Variants in GPALPP1 observed in about 807,000 individuals in gnomAD.
GPALPP1 encodes the protein GPALPP motifs containing 1, also known as GPALPP motifs-containing protein 1.
Under a neutral mutation model 38.9 loss-of-function variants are expected in GPALPP1, and 30 were observed. That is an observed-to-expected ratio of 0.77 (90% CI 0.58 to 1.05). GPALPP1 has a LOEUF of 1.05. Among genes scored for constraint, GPALPP1 ranks in the 50% least tolerant of loss-of-function variants. The pLI is 0.00. For missense variants in GPALPP1, 384 were observed against 408.8 expected (o/e 0.94, Z 0.52); for synonymous variants, 120 against 139.2 (o/e 0.86, Z 0.97).
rs764638289 is a variant in GPALPP1 at position 45,006,226 on chromosome 13, T to C, written c.246T>C (p.Asp82=). Residue 82 remains aspartate (D), a synonymous_variant, in exon 3 of 8, where the codon GAT becomes GAC. Coordinates refer to ENST00000379151, the MANE Select transcript of GPALPP1 (RefSeq NM_018559.5). ...TARKQRKNQD[D]DDDDDDGFFG... ...GAAAACAGAGGAAAAATCAGGATGATGACGATGATGATGATGATGGGTTTT... is the reference window on the plus strand; with the variant it reads ...GAAAACAGAGGAAAAATCAGGATGACGACGATGATGATGATGATGGGTTTT... 9 of 1,608,548 alleles carry C rather than the reference T, an allele frequency of 5.6e-6. No homozygotes were observed. The highest frequency in any genetic ancestry group is 7.6e-6 in the Non-Finnish European group (9 of 1,176,786).
At chr13:45,027,347 A>AAAGGAACAAAAATTAT (rs1296045430) in intron 7 of GPALPP1, among the ~76,000 whole-genome samples, 1 of 152,240 alleles carries the variant, frequency 6.6e-6, no homozygotes. Context: ...CAGAAAACTG[A>AAAGGAACAAAAATTAT]AAGGAACAAA....
chr13:45,024,642 A>G (rs975165477), intron 7 of GPALPP1, among the ~76,000 whole-genome samples: 4 of 150,846 alleles, frequency 2.7e-5, no homozygotes, highest in South Asian at 2.1e-4. Flanking sequence ...AATTTTTATC[A>G]TAAGGGCCAG....
chr13:45,006,192 A>G lies in GPALPP1; in HGVS notation c.222-10A>G, dbSNP rs112286754. Reference sequence around the variant, plus strand: ...CATATATGCATAAAGTTATACTACTATGTTTTCAGAAAACAGAGGAAAAAT... The same window carrying G: ...CATATATGCATAAAGTTATACTACTGTGTTTTCAGAAAACAGAGGAAAAAT... On this transcript the variant is annotated splice_polypyrimidine_tract_variant and intron_variant, in intron 2 of 7. Transcript: ENST00000379151. 26 of 1,551,976 alleles carry G rather than the reference A, an allele frequency of 1.7e-5. No homozygotes were observed. The highest frequency in any genetic ancestry group is 2.7e-5 in the African/African-American group (2 of 73,200).
At position 44,989,686 on chromosome 13, in the gene GPALPP1, C is replaced by T; in HGVS notation, c.32C>T (p.Pro11Leu). Residue 11 changes from proline (P) to leucine (L), a missense_variant, in exon 1 of 8, where the codon CCG becomes CTG. Pro to Leu is a moderately conservative substitution (Grantham distance 98). Coordinates refer to ENST00000379151, the MANE Select transcript of GPALPP1 (RefSeq NM_018559.5). MARDLIGPALPPGFKARGTAE... is the reference protein window; with the variant it reads MARDLIGPALLPGFKARGTAE... Reference sequence around the variant, plus strand: ...AGAGACCTGATCGGACCGGCCCTGCCGCCCGGCTTCAAGGCCCGCGGAACA... The same window carrying T: ...AGAGACCTGATCGGACCGGCCCTGCTGCCCGGCTTCAAGGCCCGCGGAACA... The T allele has an allele frequency of 6.2e-7, 1 of 1,612,454 alleles. No individual in the cohort carries two copies. Among genetic ancestry groups the T allele is most frequent in the East Asian group, 2.2e-5 (1 of 44,870 alleles).
intron 1 of GPALPP1, 81 bp from the exon 2 acceptor site, chr13:45,004,224 A>G (rs1458857258): frequency 1.7e-6 from 2 of 1,147,692 alleles, no homozygotes; most frequent in Non-Finnish European, 2.5e-6. Flanking sequence ...TTTATTTCAG[A>G]AAAGAAAGTG....
At position 45,006,095 on chromosome 13, in the gene GPALPP1, C is replaced by T. The variant is rs1420598204; in HGVS notation, c.222-107C>T. On this transcript the variant is annotated intron_variant, in intron 2 of 7. Coordinates refer to ENST00000379151, the MANE Select transcript of GPALPP1 (RefSeq NM_018559.5). Reference sequence around the variant, plus strand: ...ATTTGGCAGGATTAATTTATTGTTGCAGTGTTTATACAACTAGATTTAATG... The same window carrying T: ...ATTTGGCAGGATTAATTTATTGTTGTAGTGTTTATACAACTAGATTTAATG... 1.0e-5 allele frequency: 6 copies of T among 601,698 alleles called. No individual in the cohort carries two copies. In the Admixed American group the frequency reaches 1.6e-4, roughly 17 times the overall value. The allele number at this position is 601,698 out of a possible 1,614,324, so 37.3% of individuals were successfully genotyped here. A position where few individuals can be genotyped will look rare whatever the true frequency, so the allele number is the denominator to read the frequency against.
chr13:45,031,680 A>G (rs1253622156), downstream of GPALPP1: 1 of 152,170 alleles, frequency 6.6e-6, no homozygotes, highest in Non-Finnish European at 1.5e-5. Context: ...GGCCAGTTTC[A>G]GAGGTTGTTT....
At chr13:45,037,211 T>C (rs747452374) in exon 8 of GPALPP1, 12 of 152,374 alleles carry the variant, frequency 7.9e-5, no homozygotes, top group East Asian at 1.9e-4. Context: ...TATTTAGTCC[T>C]AGTTTTATCT....
chr13:45,024,226 A>C (rs1312977911), intron 7 of GPALPP1, among the ~76,000 whole-genome samples: 9 of 91,164 alleles, frequency 9.9e-5, no homozygotes, highest in East Asian at 3.4e-4. Flanking sequence ...CTGAGTCTCA[A>C]TCTTCAAGTG....
At chr13:45,014,064 C>T (rs1157579769) in intron 4 of GPALPP1, among the ~76,000 whole-genome samples, 1 of 152,150 alleles carries the variant, frequency 6.6e-6, no homozygotes, top group Non-Finnish European at 1.5e-5. Flanking sequence ...CAGGCATCAT[C>T]CTACCAGGAC....
chr13:44,998,509 C>T (rs145660938), intron 1 of GPALPP1, among the ~76,000 whole-genome samples: 12 of 152,282 alleles, frequency 7.9e-5, no homozygotes, highest in African/African-American at 2.6e-4. Flanking sequence ...CCTCTCTATC[C>T]TCTCTTGGTT....
In GPALPP1 at chr13:45,006,239, G is replaced by C; in HGVS notation, c.259G>C (p.Asp87His). ...RKNQDDDDDD[D>H]DGFFGPALPP... ...AAATCAGGATGATGACGATGATGATGATGATGGGTTTTTTGGACCAGCCCT... is the reference window on the plus strand; with the variant it reads ...AAATCAGGATGATGACGATGATGATCATGATGGGTTTTTTGGACCAGCCCT... Residue 87 changes from aspartate (D) to histidine (H), a missense_variant, in exon 3 of 8, where the codon GAT becomes CAT. Transcript: ENST00000379151. 1 of 1,611,314 alleles carries C rather than the reference G, an allele frequency of 6.2e-7. No homozygotes were observed.
chr13:45,008,179 C>CG (rs1412415492), intron 3 of GPALPP1, among the ~76,000 whole-genome samples: 1 of 152,204 alleles, frequency 6.6e-6, no homozygotes, highest in Non-Finnish European at 1.5e-5. Context: ...ATGGTTAGCA[C>CG]GGTACCCTTT....
chr13:45,007,812 T>C (rs1874201278), intron 3 of GPALPP1, among the ~76,000 whole-genome samples: 1 of 152,168 alleles, frequency 6.6e-6, no homozygotes, highest in Admixed American at 6.6e-5. Flanking sequence ...GTGACAACTA[T>C]GGAAAAAACA....
intron 2 of GPALPP1, 48 bp downstream of exon 2, chr13:45,004,485 T>A: frequency 7.0e-7 from 1 of 1,429,664 alleles, no homozygotes; most frequent in Non-Finnish European, 9.8e-7. Context: ...TCAGAGCTAG[T>A]ATAAGTTGGC....
intron 3 of GPALPP1, among the ~76,000 whole-genome samples, chr13:45,008,543 C>G (rs1874258372): frequency 6.6e-6 from 1 of 152,084 alleles, no homozygotes; most frequent in Non-Finnish European, 1.5e-5. Context: ...ATGCCAGTGT[C>G]ACAAAGATTG....
chr13:45,018,188 G>A (rs1593400810), intron 6 of GPALPP1, among the ~76,000 whole-genome samples: 1 of 152,234 alleles, frequency 6.6e-6, no homozygotes, highest in East Asian at 1.9e-4. Context: ...ACAAGGTCAG[G>A]AGATCAAGAC....
At chr13:44,992,869 G>T (rs538880859) in intron 1 of GPALPP1, among the ~76,000 whole-genome samples, 1 of 152,026 alleles carries the variant, frequency 6.6e-6, no homozygotes, top group East Asian at 1.9e-4. Flanking sequence ...ATTGTTGTGC[G>T]GTCATCACCA....
rs536105572 is a variant in GPALPP1 at position 45,013,412 on chromosome 13, C to T, written c.409-1540C>T. On this transcript the variant is annotated intron_variant, in intron 4 of 7. Transcript: ENST00000379151. ...TTTTGTAGAGAAAGGAAAATCTCTACCAGTTTCCTACAGACCTTTTGTGTT... is the reference window on the plus strand; with the variant it reads ...TTTTGTAGAGAAAGGAAAATCTCTATCAGTTTCCTACAGACCTTTTGTGTT... 3.3e-5 allele frequency among the ~76,000 whole-genome samples: 5 copies of T among 152,314 alleles called. No individual in the cohort carries two copies. In the South Asian group the frequency reaches 1.0e-3, roughly 32 times the overall value.
Sources: allele counts gnomAD v4.1 joint callset (sites outside exome capture counted in the v4.1 genomes callset), GRCh38; gene constraint gnomAD v4.1.1; transcripts MANE v1.5; gene names NCBI Gene and HGNC (gene_info 2026-07-23, HGNC 2026-07-21).